The following NXPH1 variants were observed in gnomAD, a reference collection of about 807,000 sequenced individuals.
The protein encoded by NXPH1 is neurexophilin 1.
In NXPH1, 5 loss-of-function variants were observed where a neutral mutation model predicts 23.7. The ratio of observed to expected loss-of-function variants is 0.21; its 90% CI spans 0.11 to 0.44. The LOEUF (loss-of-function observed/expected upper bound fraction) is 0.44. Among genes scored for constraint, NXPH1 ranks in the 20% least tolerant of loss-of-function variants. NXPH1 has a pLI of 0.99. For synonymous variants in NXPH1, 144 were observed against 122.2 expected, an observed-to-expected ratio of 1.18 and a Z score of -1.18; for missense variants, 324 against 321.6, an observed-to-expected ratio of 1.01 and a Z score of -0.06.
chr7:8,650,678 C>T (rs1338893733), intron 2 of NXPH1, among the ~76,000 whole-genome samples: 1 of 152,130 alleles, frequency 6.6e-6, no homozygotes, highest in Admixed American at 6.6e-5. Flanking sequence ...TCTTTAGTTG[C>T]CACATGGCAA....
At chr7:8,570,870 G>A (rs1818629802) in intron 2 of NXPH1, among the ~76,000 whole-genome samples, 2 of 151,724 alleles carry the variant, frequency 1.3e-5, no homozygotes, top group Admixed American at 1.3e-4. Context: ...AGAGTCATAA[G>A]GAGATCTTAA....
intron 2 of NXPH1, among the ~76,000 whole-genome samples, chr7:8,666,713 T>C (rs953285181): frequency 2.0e-5 from 3 of 152,108 alleles, no homozygotes; most frequent in Non-Finnish European, 4.4e-5. Flanking sequence ...TTACTCGTTA[T>C]TGGTATGTTT....
chr7:8,621,391 G>A (rs75161383), intron 2 of NXPH1, among the ~76,000 whole-genome samples: 4,793 of 152,218 alleles, frequency 0.031, 258 homozygotes, highest in East Asian at 0.17. Context: ...TGAGCAACAG[G>A]ATAGCTTGGA....
chr7:8,512,551 G>A (rs914111766), intron 2 of NXPH1, among the ~76,000 whole-genome samples: 3 of 152,064 alleles, frequency 2.0e-5, no homozygotes, highest in African/African-American at 7.2e-5. Flanking sequence ...AGGATTAGTG[G>A]TTCGTATTTG....
intron 2 of NXPH1, among the ~76,000 whole-genome samples, chr7:8,682,034 A>G (rs942771680): frequency 6.6e-6 from 1 of 152,136 alleles, no homozygotes; most frequent in African/African-American, 2.4e-5. Context: ...AAGAGAAGTG[A>G]AGGGTGAGCA....
chr7:8,442,020 G>A lies in NXPH1; in HGVS notation c.54+6253G>A, dbSNP rs934982773. Among the ~76,000 whole-genome samples the A allele has an allele frequency of 4.6e-5, 7 of 152,150 alleles. No homozygotes were observed. Among genetic ancestry groups the A allele is most frequent in the African/African-American group, 1.4e-4 (6 of 41,426 alleles). On this transcript the variant is annotated intron_variant, in intron 2 of 2. Transcript: ENST00000405863. This position sits in a 1 kb window ranked among gnomAD's most constrained non-coding sequence, Gnocchi z 4.6. ...GGCGTCTAGTCAGGGGTTCGGGGTGGTGGAAAGCGAGATGGCGTTGGGAGC... is the reference window on the plus strand; with the variant it reads ...GGCGTCTAGTCAGGGGTTCGGGGTGATGGAAAGCGAGATGGCGTTGGGAGC...
chr7:8,521,261 T>A (rs1472539967), intron 2 of NXPH1, among the ~76,000 whole-genome samples: 2 of 152,190 alleles, frequency 1.3e-5, no homozygotes, highest in African/African-American at 4.8e-5. Context: ...GCATCACTGA[T>A]GTCCCAGTCC....
intron 2 of NXPH1, among the ~76,000 whole-genome samples, chr7:8,739,171 T>TA (rs34593997): frequency 0.1 from 5,624 of 54,094 alleles, 422 homozygotes; most frequent in Non-Finnish European, 0.13. Flanking sequence ...ACCAGTGGGG[T>TA]AAAAAAAAAA....
chr7:8,668,002 G>GTTA (rs1352783012), intron 2 of NXPH1, among the ~76,000 whole-genome samples: 28 of 151,664 alleles, frequency 1.8e-4, no homozygotes, highest in African/African-American at 6.8e-4. Context: ...TGTTGTTGTT[G>GTTA]TTGTTGTTTA....
In NXPH1 at chr7:8,435,989, C is replaced by T. The variant is rs550236791; in HGVS notation, c.54+222C>T. 2.6e-5 allele frequency among the ~76,000 whole-genome samples: 4 copies of T among 152,288 alleles called. No homozygotes were observed. Among genetic ancestry groups the T allele is most frequent in the Non-Finnish European group, 5.9e-5 (4 of 68,010 alleles). Reference sequence around the variant, plus strand: ...ATCCCCCAGTCTCCTGCGCGTGATTCTTGAAAGGGGCTAGGGCGCCCCAGA... The same window carrying T: ...ATCCCCCAGTCTCCTGCGCGTGATTTTTGAAAGGGGCTAGGGCGCCCCAGA... On this transcript the variant is annotated intron_variant, in intron 2 of 2. Coordinates refer to ENST00000405863, the MANE Select transcript of NXPH1 (RefSeq NM_152745.3). The surrounding 1 kb of genome is among the most constrained non-coding windows in gnomAD (Gnocchi z 5.9).
At chr7:8,621,230 C>G (rs1451787016) in intron 2 of NXPH1, among the ~76,000 whole-genome samples, 1 of 152,100 alleles carries the variant, frequency 6.6e-6, no homozygotes, top group African/African-American at 2.4e-5. Context: ...AAAGAGAGAA[C>G]TGGAGTCAAA....
chr7:8,531,499 T>C (rs1301723551), intron 2 of NXPH1, among the ~76,000 whole-genome samples: 5 of 152,182 alleles, frequency 3.3e-5, no homozygotes, highest in African/African-American at 1.2e-4. Context: ...CCTATGTAAC[T>C]AGAACTCCCT....
At chr7:8,514,604 T>G (rs138709760) in intron 2 of NXPH1, among the ~76,000 whole-genome samples, 88 of 152,286 alleles carry the variant, frequency 5.8e-4, no homozygotes, top group East Asian at 5.0e-3. Flanking sequence ...TGTGGACTTA[T>G]GAAAGTTATA....
chr7:8,730,701 G>A (rs1371889881), intron 2 of NXPH1, among the ~76,000 whole-genome samples: 13 of 152,102 alleles, frequency 8.5e-5, no homozygotes, highest in Non-Finnish European at 1.8e-4. Flanking sequence ...AGTTTCTGCC[G>A]AGAGATCCGC....
At chr7:8,554,750 C>A (rs1818330095) in intron 2 of NXPH1, among the ~76,000 whole-genome samples, 1 of 151,606 alleles carries the variant, frequency 6.6e-6, no homozygotes, top group African/African-American at 2.4e-5. Flanking sequence ...TAGGAAGGCT[C>A]TTTGCTTGAA....
intron 2 of NXPH1, among the ~76,000 whole-genome samples, chr7:8,744,457 A>T (rs1013816974): frequency 2.6e-5 from 4 of 152,124 alleles, no homozygotes; most frequent in African/African-American, 9.7e-5. Flanking sequence ...AGTCCTTACC[A>T]CTTCTGATGA....
intron 2 of NXPH1, among the ~76,000 whole-genome samples, chr7:8,691,961 G>A (rs1318531779): frequency 1.3e-5 from 2 of 152,034 alleles, no homozygotes; most frequent in Non-Finnish European, 2.9e-5. Flanking sequence ...ATGTCTGAGT[G>A]ACAAGGGGCA....
At chr7:8,697,592 G>C (rs139400523) in intron 2 of NXPH1, among the ~76,000 whole-genome samples, 4 of 152,096 alleles carry the variant, frequency 2.6e-5, no homozygotes, top group Non-Finnish European at 5.9e-5. Context: ...TTGTAATTGA[G>C]ATTTTATTGG....
At chr7:8,750,270 A>G (rs1460295433) in intron 2 of NXPH1, among the ~76,000 whole-genome samples, 2 of 152,238 alleles carry the variant, frequency 1.3e-5, no homozygotes, top group Non-Finnish European at 2.9e-5. Context: ...GGATAACGAA[A>G]TAGTCTAAAG....
Sources: allele counts gnomAD v4.1 joint callset (sites outside exome capture counted in the v4.1 genomes callset), GRCh38; gene constraint gnomAD v4.1.1; non-coding constraint Gnocchi (gnomAD v3.1); transcripts MANE v1.5; gene names NCBI Gene and HGNC (gene_info 2026-07-23, HGNC 2026-07-21).